Variants in NCAM1 observed in about 807,000 individuals in gnomAD.
The protein encoded by NCAM1 is neural cell adhesion molecule 1.
Under a neutral mutation model 109.8 loss-of-function variants are expected in NCAM1, and 14 were observed. The observed-to-expected ratio is 0.13, with a 90% CI of 0.08 to 0.20. NCAM1 has a LOEUF of 0.20. Among genes scored for constraint, NCAM1 ranks in the 10% least tolerant of loss-of-function variants. The probability of loss-of-function intolerance (pLI) is 1.00; values close to 1 mark genes in which losing one functional copy is unlikely to be tolerated. For synonymous variants in NCAM1, 418 were observed against 442.9 expected (o/e 0.94, Z 0.70); for missense variants, 774 against 1,109.9 (o/e 0.70, Z 4.30).
At chr11:113,235,767 C>T (rs1354567950) in intron 14 of NCAM1, among the ~76,000 whole-genome samples, 1 of 152,196 alleles carries the variant, frequency 6.6e-6, no homozygotes, top group Non-Finnish European at 1.5e-5. Context: ...AATTGCTTCC[C>T]CCTGATTCCA....
chr11:113,113,213 A>G (rs1555094100), intron 1 of NCAM1, among the ~76,000 whole-genome samples: 2 of 152,182 alleles, frequency 1.3e-5, no homozygotes, highest in African/African-American at 4.8e-5. Context: ...TAAAATTGTT[A>G]TCCTCTGACC....
At chr11:113,156,764 G>A (rs1157027218) in intron 1 of NCAM1, among the ~76,000 whole-genome samples, 4 of 152,120 alleles carry the variant, frequency 2.6e-5, no homozygotes, top group African/African-American at 9.7e-5. Flanking sequence ...CCACAGCTGT[G>A]TACCCTATTC....
At position 113,206,114 on chromosome 11, in the gene NCAM1, C is replaced by T. The variant is rs1555112818; in HGVS notation, c.562C>T (p.Arg188Cys). Residue 188 changes from arginine (R) to cysteine (C), a missense_variant, in exon 5 of 20, where the codon CGC becomes TGC. This residue lies in a region of NCAM1 where 523 missense variants were observed against 784.2 expected (regional missense o/e 0.67). Transcript: ENST00000316851. ...GIKKTDEGTY[R>C]CEGRILARGE... The stretch of plus-strand genomic sequence containing the variant: ...CAAGAAAACAGATGAGGGCACTTAT[C>T]GCTGTGAGGGCAGAATCCTGGCACG... 3.1e-6 allele frequency: 5 copies of T among 1,613,894 alleles called. No individual in the cohort carries two copies. The highest frequency in any genetic ancestry group is 4.2e-6 in the Non-Finnish European group (5 of 1,179,842).
At chr11:113,130,563 A>G (rs887883487) in intron 1 of NCAM1, 9 of 152,238 alleles carry the variant, frequency 5.9e-5, no homozygotes, top group African/African-American at 2.2e-4. Context: ...TACAAATAAT[A>G]GGCTGAATTC....
chr11:113,009,065 G>A (rs1481043735), intron 1 of NCAM1, among the ~76,000 whole-genome samples: 1 of 152,172 alleles, frequency 6.6e-6, no homozygotes, highest in East Asian at 1.9e-4. Flanking sequence ...CATGGAGAAT[G>A]TTAGTTAGCC....
chr11:113,061,802 A>G (rs1293387397), intron 1 of NCAM1, among the ~76,000 whole-genome samples: 4 of 152,246 alleles, frequency 2.6e-5, no homozygotes, highest in Admixed American at 1.3e-4. Flanking sequence ...CAGAAAAGAA[A>G]TGATTGGTGT....
chr11:112,963,087 A>T lies in NCAM1; in HGVS notation c.52+1423A>T, dbSNP rs73573285. 0.13 allele frequency: 19,707 copies of T among 152,180 alleles called. 1,319 individuals are homozygous for T. The highest frequency in any genetic ancestry group is 0.14 in the Non-Finnish European group (9,297 of 68,110). The allele number at this position is 152,180 out of a possible 1,614,324, so 9.4% of individuals were successfully genotyped here. ...GCCAACTCGGGTCCCTCCCACGGCG[A>T]CCAATCAGTGCGAAGCTGGCTGGGC... On this transcript the variant is annotated intron_variant, in intron 1 of 19. Coordinates refer to ENST00000316851, the MANE Select transcript of NCAM1 (RefSeq NM_181351.5). This position sits in a 1 kb window ranked among gnomAD's most constrained non-coding sequence, Gnocchi z 4.6.
At chr11:112,970,111 G>A (rs2134525018) in intron 1 of NCAM1, among the ~76,000 whole-genome samples, 1 of 152,284 alleles carries the variant, frequency 6.6e-6, no homozygotes, top group South Asian at 2.1e-4. Context: ...GCAGTTAAAG[G>A]CTGGAACTTG....
intron 1 of NCAM1, among the ~76,000 whole-genome samples, chr11:113,008,540 T>C (rs1354216813): frequency 6.6e-6 from 1 of 152,208 alleles, no homozygotes; most frequent in African/African-American, 2.4e-5. Flanking sequence ...TCCCCCTAAA[T>C]GAATTGTTGG....
chr11:113,228,707 G>A (rs1944918532), intron 9 of NCAM1, among the ~76,000 whole-genome samples: 1 of 152,088 alleles, frequency 6.6e-6, no homozygotes, highest in Non-Finnish European at 1.5e-5. Context: ...AGTAACCAAA[G>A]CAGCATGGTA....
At chr11:113,205,495 T>C in intron 3 of NCAM1, 28 bp from the exon 4 acceptor site, 1 of 1,595,840 alleles carries the variant, frequency 6.3e-7, no homozygotes, top group Non-Finnish European at 8.5e-7. Context: ...AGCAGCTGTT[T>C]TCCCTCACTC....
chr11:113,170,467 G>T (rs953351825), intron 1 of NCAM1, among the ~76,000 whole-genome samples: 9 of 152,168 alleles, frequency 5.9e-5, no homozygotes, highest in Admixed American at 2.0e-4. Context: ...AGGGAAAATA[G>T]AAATGCACTG....
intron 8 of NCAM1, among the ~76,000 whole-genome samples, chr11:113,215,376 C>A (rs574790450): frequency 6.6e-6 from 1 of 152,174 alleles, no homozygotes; most frequent in African/African-American, 2.4e-5. Flanking sequence ...TTTAGTTAGC[C>A]CAAGTTTTGT....
At chr11:113,271,437 G>A (rs1458146782) in intron 18 of NCAM1, among the ~76,000 whole-genome samples, 1 of 148,118 alleles carries the variant, frequency 6.8e-6, no homozygotes, top group Non-Finnish European at 1.5e-5. Flanking sequence ...CCTGTGTACA[G>A]AGACAGATGT....
intron 1 of NCAM1, among the ~76,000 whole-genome samples, chr11:113,088,694 G>A (rs1296462205): frequency 2.6e-5 from 4 of 152,166 alleles, no homozygotes; most frequent in East Asian, 1.9e-4. Flanking sequence ...TAGGCTACAG[G>A]TGTATGTAGG....
intron 1 of NCAM1, among the ~76,000 whole-genome samples, chr11:113,171,661 A>AAATT (rs1942996489): frequency 1.1e-5 from 1 of 91,618 alleles, no homozygotes. Flanking sequence ...ATAAATAAAT[A>AAATT]AATAAATAAA....
chr11:113,174,402 G>A (rs1482382359), intron 1 of NCAM1, among the ~76,000 whole-genome samples: 1 of 152,192 alleles, frequency 6.6e-6, no homozygotes, highest in Non-Finnish European at 1.5e-5. Flanking sequence ...ACAGGCACAA[G>A]TTTCTTTGTA....
chr11:113,241,355 T>C (rs998692373), intron 14 of NCAM1, among the ~76,000 whole-genome samples: 11 of 152,216 alleles, frequency 7.2e-5, no homozygotes, highest in Non-Finnish European at 1.5e-5. Context: ...ATAAACAGTG[T>C]CTGGCAGTGT....
At chr11:112,975,350 A>G (rs1273917196) in intron 1 of NCAM1, among the ~76,000 whole-genome samples, 1 of 152,030 alleles carries the variant, frequency 6.6e-6, no homozygotes. Flanking sequence ...TATTTATGAA[A>G]TAACTCCCGT....
Sources: allele counts gnomAD v4.1 joint callset (sites outside exome capture counted in the v4.1 genomes callset), GRCh38; gene constraint gnomAD v4.1.1; regional missense constraint gnomAD v4.1.1; non-coding constraint Gnocchi (gnomAD v3.1); transcripts MANE v1.5; gene names NCBI Gene and HGNC (gene_info 2026-07-23, HGNC 2026-07-21).